Variants in PACRG observed in about 807,000 individuals in gnomAD.
PACRG encodes parkin coregulated.
Under a neutral mutation model 29.7 loss-of-function variants are expected in PACRG, and 29 were observed. The observed-to-expected ratio is 0.98, with a 90% CI of 0.73 to 1.33. The LOEUF is 1.33. PACRG is among the 40% of genes most tolerant of loss of function. The pLI is 0.00. For synonymous variants in PACRG, 116 were observed against 118.7 expected, an observed-to-expected ratio of 0.98 and a Z score of 0.15; for missense variants, 279 against 316.2, an observed-to-expected ratio of 0.88 and a Z score of 0.89.
At chr6:162,878,933 C>T (rs1437896405) in intron 2 of PACRG, among the ~76,000 whole-genome samples, 1 of 152,130 alleles carries the variant, frequency 6.6e-6, no homozygotes, top group African/African-American at 2.4e-5. Flanking sequence ...TATAGAATGG[C>T]TCTTTGTATG....
intron 1 of PACRG, among the ~76,000 whole-genome samples, chr6:162,808,468 T>C (rs1043023599): frequency 2.0e-5 from 3 of 152,164 alleles, no homozygotes; most frequent in Non-Finnish European, 4.4e-5. Flanking sequence ...ATAATAAAAA[T>C]AGTGAAAAGG....
At chr6:163,066,435 G>A (rs1400253006) in intron 3 of PACRG, among the ~76,000 whole-genome samples, 1 of 152,188 alleles carries the variant, frequency 6.6e-6, no homozygotes, top group Non-Finnish European at 1.5e-5. Context: ...CCCCAAGTGA[G>A]GAGGACAGTG....
intron 4 of PACRG, among the ~76,000 whole-genome samples, chr6:163,227,358 C>T (rs1237840536): frequency 6.6e-6 from 1 of 152,178 alleles, no homozygotes; most frequent in Non-Finnish European, 1.5e-5. Context: ...GGCACCCAGC[C>T]ATGAGGCATC....
chr6:162,960,569 G>A (rs540428191), intron 2 of PACRG, among the ~76,000 whole-genome samples: 42 of 152,238 alleles, frequency 2.8e-4, no homozygotes, highest in African/African-American at 8.7e-4. Flanking sequence ...ACATATGGAC[G>A]TAAACATGGG....
At chr6:163,166,056 T>A (rs1472536926) in intron 4 of PACRG, 1 of 455,178 alleles carries the variant, frequency 2.2e-6, no homozygotes, top group Non-Finnish European at 4.4e-6. Flanking sequence ...CCGAGTGTAA[T>A]GAAAGACAGA....
chr6:163,056,466 A>T (rs976629419), intron 2 of PACRG, among the ~76,000 whole-genome samples: 4 of 152,230 alleles, frequency 2.6e-5, no homozygotes, highest in African/African-American at 9.6e-5. Context: ...AAGCTGAGAG[A>T]CTAAAGAAAG....
intron 4 of PACRG, among the ~76,000 whole-genome samples, chr6:163,099,980 G>C (rs190739809): frequency 6.6e-6 from 1 of 152,222 alleles, no homozygotes; most frequent in East Asian, 1.9e-4. Context: ...CTCCGGGCTA[G>C]GAGCTCGCAG....
chr6:163,110,899 C>T (rs73786969), intron 4 of PACRG, among the ~76,000 whole-genome samples: 3,666 of 152,250 alleles, frequency 0.024, 162 homozygotes, highest in African/African-American at 0.083. Flanking sequence ...TCATTCAGTC[C>T]GTCTGTGTGT....
At chr6:163,273,326 G>GA (rs921980445) in intron 4 of PACRG, among the ~76,000 whole-genome samples, 1 of 151,942 alleles carries the variant, frequency 6.6e-6, no homozygotes, top group Non-Finnish European at 1.5e-5. Flanking sequence ...TTCCTCCAGA[G>GA]AAAAAAAATC....
chr6:163,035,279 G>A (rs994367821), intron 2 of PACRG, among the ~76,000 whole-genome samples: 3 of 152,062 alleles, frequency 2.0e-5, no homozygotes, highest in Non-Finnish European at 4.4e-5. Flanking sequence ...TTGGGCGGCT[G>A]TGGCAGGTAG....
In PACRG at chr6:163,314,998, A is replaced by T; in HGVS notation, c.*11A>T. The T allele has an allele frequency of 6.2e-7, 1 of 1,611,654 alleles. No homozygotes were observed. The highest frequency in any genetic ancestry group is 1.7e-4 in the Middle Eastern group (1 of 6,040). On this transcript the variant is annotated 3_prime_UTR_variant, in exon 5 of 5. Coordinates refer to ENST00000366888, the MANE Select transcript of PACRG (RefSeq NM_001080379.2). ...TGCTTGCTAAACTAACAGTGGCAGC[A>T]GCTGGGACTTGAAACCTCCCGTTGG...
At chr6:162,888,435 G>A (rs1794522856) in intron 2 of PACRG, among the ~76,000 whole-genome samples, 1 of 152,134 alleles carries the variant, frequency 6.6e-6, no homozygotes, top group South Asian at 2.1e-4. Flanking sequence ...GCTGGGGCTT[G>A]GCAATCCTCA....
At chr6:162,947,617 T>TAATC (rs1799296707) in intron 2 of PACRG, among the ~76,000 whole-genome samples, 2 of 38,340 alleles carry the variant, frequency 5.2e-5, no homozygotes, top group South Asian at 1.1e-3. Context: ...TAATCATATA[T>TAATC]ATATATATAT....
chr6:163,119,211 T>A (rs1017754497), intron 4 of PACRG, among the ~76,000 whole-genome samples: 7 of 152,250 alleles, frequency 4.6e-5, no homozygotes, highest in African/African-American at 1.7e-4. Context: ...GCTCTACAGC[T>A]AGACTCCTGG....
intron 2 of PACRG, among the ~76,000 whole-genome samples, chr6:163,035,576 G>A (rs1235608919): frequency 6.6e-6 from 1 of 152,038 alleles, no homozygotes; most frequent in Non-Finnish European, 1.5e-5. Flanking sequence ...AACTTGGGAG[G>A]CGGAAGTTGC....
intron 2 of PACRG, among the ~76,000 whole-genome samples, chr6:162,930,588 C>A (rs1797777158): frequency 6.6e-6 from 1 of 151,744 alleles, no homozygotes; most frequent in African/African-American, 2.4e-5. Context: ...TTGTTTATTT[C>A]TCTTACCTAA....
At chr6:162,842,551 A>G (rs1212345875) in intron 2 of PACRG, among the ~76,000 whole-genome samples, 2,205 of 150,070 alleles carry the variant, frequency 0.015, 59 homozygotes, top group African/African-American at 0.051. Flanking sequence ...TCTTTATCCA[A>G]TTTGCCAGTC....
chr6:162,754,008 G>A (rs899224410), intron 1 of PACRG, among the ~76,000 whole-genome samples: 23 of 152,126 alleles, frequency 1.5e-4, no homozygotes, highest in Non-Finnish European at 4.4e-5. Context: ...ACTCAGAAGT[G>A]GGATTACTGG....
At chr6:162,778,219 G>A (rs916238837) in intron 1 of PACRG, among the ~76,000 whole-genome samples, 4 of 152,096 alleles carry the variant, frequency 2.6e-5, no homozygotes, top group Non-Finnish European at 4.4e-5. Context: ...TTGTGGCGTT[G>A]GTTCTGACTC....
Sources: gnomAD v4.1 joint callset for allele counts (sites outside exome capture counted in the v4.1 genomes callset) on GRCh38, gnomAD v4.1.1 for gene constraint, MANE v1.5 for transcripts, NCBI Gene and HGNC (gene_info 2026-07-23, HGNC 2026-07-21) for gene names.